CCBE1: variants seen among roughly 807,000 people sequenced by gnomAD.
CCBE1 encodes the protein collagen and calcium-binding EGF domain-containing protein 1.
In CCBE1, 37 loss-of-function variants were observed where a neutral mutation model predicts 50.0. The observed-to-expected ratio is 0.74, with a 90% CI of 0.57 to 0.97. The LOEUF (loss-of-function observed/expected upper bound fraction) is 0.97, where lower values mean the gene tolerates loss of function less well. Among genes scored for constraint, CCBE1 ranks in the 50% least tolerant of loss-of-function variants. CCBE1 has a pLI of 0.00. For synonymous variants in CCBE1, 234 were observed against 203.7 expected, an observed-to-expected ratio of 1.15 and a Z score of -1.27; for missense variants, 538 against 523.8, an observed-to-expected ratio of 1.03 and a Z score of -0.26.
intron 2 of CCBE1, among the ~76,000 whole-genome samples, chr18:59,573,892 G>A (rs2052953692): frequency 6.6e-6 from 1 of 152,120 alleles, no homozygotes; most frequent in Non-Finnish European, 1.5e-5. Context: ...CTCAAGGACA[G>A]GAAATGTCAG....
rs2054625385 is a variant in CCBE1, at chr18:59,683,982, GGCCAGT to G, written c.212+12641_212+12646del. Among the ~76,000 whole-genome samples the G allele has an allele frequency of 1.3e-5, 2 of 151,594 alleles. 1 individual carries two copies. The highest frequency in any genetic ancestry group is 4.2e-4 in the South Asian group (2 of 4,816). ...GCAGCTGGACCACCAGAACTCCCAG[GGCCAGT>G]TGTCTTCAGCCTAGAGCACCCTTTT... On this transcript the variant is annotated intron_variant, in intron 2 of 10. Transcript: ENST00000439986.
At chr18:59,693,260 A>G (rs1158316674) in intron 2 of CCBE1, among the ~76,000 whole-genome samples, 2 of 137,562 alleles carry the variant, frequency 1.5e-5, no homozygotes, top group Non-Finnish European at 2.9e-5. Context: ...GGGAGGTGAT[A>G]GCATTAGCAT....
intron 2 of CCBE1, among the ~76,000 whole-genome samples, chr18:59,498,143 A>C (rs958377412): frequency 6.6e-6 from 1 of 151,942 alleles, no homozygotes; most frequent in African/African-American, 2.4e-5. Context: ...CCCAATTACC[A>C]CTTCCTTCAC....
intron 7 of CCBE1, among the ~76,000 whole-genome samples, chr18:59,444,858 G>A (rs1225482343): frequency 2.0e-5 from 3 of 152,080 alleles, no homozygotes; most frequent in Admixed American, 1.3e-4. Flanking sequence ...CTTCTTTGGA[G>A]AAATGTCTAT....
chr18:59,598,764 T>A (rs118131327), intron 2 of CCBE1, among the ~76,000 whole-genome samples: 1,694 of 152,278 alleles, frequency 0.011, 25 homozygotes, highest in East Asian at 0.032. Context: ...TGGGCATATG[T>A]CCCAAGCTGG....
intron 2 of CCBE1, among the ~76,000 whole-genome samples, chr18:59,538,083 G>A (rs1598990854): frequency 6.6e-6 from 1 of 152,080 alleles, no homozygotes; most frequent in South Asian, 2.1e-4. Context: ...CACTAAATAC[G>A]TCCAATAAGA....
Position 59,692,779 on chromosome 18 carries a change from C to T in CCBE1, c.212+3850G>A, listed in dbSNP as rs115809453. On this transcript the variant is annotated intron_variant, in intron 2 of 10. Coordinates refer to ENST00000439986, the MANE Select transcript of CCBE1 (RefSeq NM_133459.4). ...CATTGAGCTGCCCTAAGCAAGAACA[C>T]TGCCTCATGAGACAGCACGGGCTGG... 4.6e-3 allele frequency among the ~76,000 whole-genome samples: 697 copies of T among 152,314 alleles called. 5 individuals are homozygous for T. The highest frequency in any genetic ancestry group is 0.016 in the African/African-American group (660 of 41,566).
At chr18:59,527,042 A>G (rs1261014075) in intron 2 of CCBE1, among the ~76,000 whole-genome samples, 2 of 152,198 alleles carry the variant, frequency 1.3e-5, no homozygotes, top group Non-Finnish European at 2.9e-5. Flanking sequence ...TCCAGAGCTG[A>G]GTTCAAGTCC....
chr18:59,583,258 A>G (rs1008292311), intron 2 of CCBE1, among the ~76,000 whole-genome samples: 2 of 131,750 alleles, frequency 1.5e-5, no homozygotes, highest in African/African-American at 5.2e-5. Context: ...GCCCACAGAA[A>G]AAAACAAACA....
In CCBE1 at chr18:59,432,490, GT is replaced by G; in HGVS notation, c.*3417del. The G allele has an allele frequency of 6.6e-6, 1 of 152,122 alleles. No homozygotes were observed. 9.4% of individuals were successfully genotyped at this position (152,122 alleles called of 1,614,324 possible). Reference sequence around the variant, plus strand: ...CCATTAGGTTTTGAGCAGAAGTCCTGTTTAGACAGTAAAGCTTTTTCTATCT... The same window carrying G: ...CCATTAGGTTTTGAGCAGAAGTCCTGTTAGACAGTAAAGCTTTTTCTATCT... On this transcript the variant is annotated 3_prime_UTR_variant, in exon 11 of 11. Coordinates refer to ENST00000439986, the MANE Select transcript of CCBE1 (RefSeq NM_133459.4).
At chr18:59,605,863 T>C (rs572907199) in intron 2 of CCBE1, among the ~76,000 whole-genome samples, 3 of 152,270 alleles carry the variant, frequency 2.0e-5, no homozygotes, top group African/African-American at 4.8e-5. Flanking sequence ...ATCCTCCCTC[T>C]AGCAGTTTTT....
At chr18:59,626,044 A>C (rs992710258) in intron 2 of CCBE1, among the ~76,000 whole-genome samples, 1 of 152,228 alleles carries the variant, frequency 6.6e-6, no homozygotes, top group Non-Finnish European at 1.5e-5. Context: ...AGACTAAGAC[A>C]GTAACATAAG....
chr18:59,667,355 C>A (rs1241096926), intron 2 of CCBE1, among the ~76,000 whole-genome samples: 1 of 152,158 alleles, frequency 6.6e-6, no homozygotes, highest in Non-Finnish European at 1.5e-5. Flanking sequence ...TTAGAAACTG[C>A]AGATGTATTT....
chr18:59,492,978 C>A (rs895385219), intron 2 of CCBE1, among the ~76,000 whole-genome samples: 3 of 152,198 alleles, frequency 2.0e-5, no homozygotes, highest in Non-Finnish European at 2.9e-5. Context: ...TTCCTCCCAC[C>A]ACACTGTGGG....
At chr18:59,632,814 G>A (rs1021619899) in intron 2 of CCBE1, among the ~76,000 whole-genome samples, 3 of 151,684 alleles carry the variant, frequency 2.0e-5, no homozygotes, top group Admixed American at 6.6e-5. Context: ...TCACCATGTT[G>A]GCCAGGCTGG....
intron 2 of CCBE1, among the ~76,000 whole-genome samples, chr18:59,503,472 C>G (rs774969544): frequency 4.6e-5 from 7 of 152,178 alleles, no homozygotes; most frequent in Non-Finnish European, 1.0e-4. Flanking sequence ...ATCTGCCTTA[C>G]TCCAAGCCTG....
intron 2 of CCBE1, among the ~76,000 whole-genome samples, chr18:59,641,679 T>C (rs1280078174): frequency 6.6e-6 from 1 of 152,120 alleles, no homozygotes; most frequent in Non-Finnish European, 1.5e-5. Flanking sequence ...CTACCAAAGA[T>C]ACATAAACAT....
At chr18:59,499,972 T>C (rs746891155) in intron 2 of CCBE1, among the ~76,000 whole-genome samples, 1 of 152,088 alleles carries the variant, frequency 6.6e-6, no homozygotes, top group Admixed American at 6.5e-5. Context: ...TGGACAACTG[T>C]GGAAAAAACT....
At chr18:59,657,982 T>C (rs77763567) in intron 2 of CCBE1, among the ~76,000 whole-genome samples, 2,249 of 152,034 alleles carry the variant, frequency 0.015, 44 homozygotes, top group African/African-American at 0.052. Flanking sequence ...AGGCAGCACA[T>C]TGGAGTAGCA....
Sources: allele counts gnomAD v4.1 joint callset (sites outside exome capture counted in the v4.1 genomes callset), GRCh38; gene constraint gnomAD v4.1.1; transcripts MANE v1.5; gene names NCBI Gene and HGNC (gene_info 2026-07-23, HGNC 2026-07-21).